DNAH9: variants seen among roughly 807,000 people sequenced by gnomAD.
DNAH9 encodes the protein dynein axonemal heavy chain 9.
A neutral mutation model predicts 471.6 loss-of-function variants in DNAH9; 345 were observed. That is an observed-to-expected ratio of 0.73 (90% confidence interval 0.67 to 0.80). DNAH9 has a LOEUF of 0.80. Among genes scored for constraint, DNAH9 ranks in the 30% least tolerant of loss-of-function variants. DNAH9 has a pLI of 0.00. For synonymous variants in DNAH9, 2,093 were observed against 2,123.6 expected (o/e 0.99, Z 0.40); for missense variants, 5,407 against 5,609.2 (o/e 0.96, Z 1.15).
At chr17:11,844,890 C>T (rs1027560525) in intron 49 of DNAH9, among the ~76,000 whole-genome samples, 1 of 152,056 alleles carries the variant, frequency 6.6e-6, no homozygotes, top group Non-Finnish European at 1.5e-5. Flanking sequence ...ATTTGCATTT[C>T]TCTAATGATT....
intron 12 of DNAH9, among the ~76,000 whole-genome samples, chr17:11,649,790 A>G (rs907130696): frequency 2.0e-5 from 3 of 152,136 alleles, no homozygotes; most frequent in African/African-American, 7.2e-5. Flanking sequence ...TTACTCATGT[A>G]TATTTATTCT....
Position 11,962,326 on chromosome 17 carries a change from T to A in DNAH9, c.13233+70T>A, listed in dbSNP as rs1010197844. 24 of 1,503,526 alleles carry A rather than the reference T, an allele frequency of 1.6e-5. 2 individuals are homozygous for A. In the South Asian group the frequency reaches 3.1e-4, roughly 19 times the overall value. The allele number at this position is 1,503,526 out of a possible 1,614,324, so 93.1% of individuals were successfully genotyped here. On this transcript the variant is annotated intron_variant, in intron 68 of 68. Coordinates refer to ENST00000262442, the MANE Select transcript of DNAH9 (RefSeq NM_001372.4). The surrounding 1 kb of genome is among the most constrained non-coding windows in gnomAD (Gnocchi z 4.1). The stretch of plus-strand genomic sequence containing the variant: ...TAAATACACATTGCTTCCTATGAAG[T>A]GTGACTACTAAAAGAGATATTCCTG...
chr17:11,783,826 T>G, intron 40 of DNAH9, 78 bp downstream of exon 40: 1 of 1,252,356 alleles, frequency 8.0e-7, no homozygotes, highest in Non-Finnish European at 1.1e-6. Flanking sequence ...AGTATAATAA[T>G]TGGCCTTTTT....
chr17:11,895,270 C>T (rs899139086), intron 59 of DNAH9, among the ~76,000 whole-genome samples: 14 of 152,334 alleles, frequency 9.2e-5, no homozygotes, highest in African/African-American at 3.1e-4. Flanking sequence ...GAGGCAACAC[C>T]AGCTTGCTCC....
At chr17:11,824,614 A>C (rs747397474) in intron 48 of DNAH9, among the ~76,000 whole-genome samples, 3 of 152,224 alleles carry the variant, frequency 2.0e-5, no homozygotes, top group Non-Finnish European at 4.4e-5. Flanking sequence ...CCTCACCAAT[A>C]CTAATTTAAT....
chr17:11,967,165 G>A (rs1388870740), intron 68 of DNAH9, among the ~76,000 whole-genome samples: 2 of 151,766 alleles, frequency 1.3e-5, no homozygotes, highest in African/African-American at 2.4e-5. Flanking sequence ...GGAGTGCAGT[G>A]GCATGAACAG....
intron 26 of DNAH9, among the ~76,000 whole-genome samples, chr17:11,717,503 A>T (rs1416432591): frequency 6.6e-6 from 1 of 152,174 alleles, no homozygotes; most frequent in Non-Finnish European, 1.5e-5. Context: ...TCATAATATC[A>T]GATTCAGAAA....
At chr17:11,945,781 G>C (rs935884093) in intron 67 of DNAH9, among the ~76,000 whole-genome samples, 1 of 152,022 alleles carries the variant, frequency 6.6e-6, no homozygotes, top group Non-Finnish European at 1.5e-5. Flanking sequence ...ACTTGTGGCC[G>C]GGCGCAGTGG....
At chr17:11,605,674 A>ATTTTTTTTTTTT (rs59748847) in intron 1 of DNAH9, among the ~76,000 whole-genome samples, 61 of 145,052 alleles carry the variant, frequency 4.2e-4, no homozygotes, top group African/African-American at 1.5e-3. Flanking sequence ...CAATTTTTCT[A>ATTTTTTTTTTTT]TTTTTTTTTT....
chr17:11,874,891 C>A, intron 52 of DNAH9, 58 bp from the exon 53 acceptor site: 1 of 1,296,330 alleles, frequency 7.7e-7, no homozygotes, highest in Non-Finnish European at 1.1e-6. Flanking sequence ...CTGCATTCAT[C>A]CCAGCTGAGA....
In DNAH9 at chr17:11,694,777, C is replaced by CTTCT. The variant is rs1211842531; in HGVS notation, c.4872+390_4872+393dup. ...CCTTCCTTCCTTCCTTCCTTCCTTC[C>CTTCT]TTCTTTCTTTCTTTCTTTCTTTCTT... On this transcript the variant is annotated intron_variant, in intron 22 of 68. Coordinates refer to ENST00000262442, the MANE Select transcript of DNAH9 (RefSeq NM_001372.4). 8.8e-3 allele frequency among the ~76,000 whole-genome samples: 11 copies of CTTCT among 1,246 alleles called. 4 individuals carry two copies. The highest frequency in any genetic ancestry group is 0.029 in the East Asian group (3 of 102). The allele number at this position is 1,246 out of a possible 152,430, so 0.8% of individuals were successfully genotyped here.
Position 11,715,573 on chromosome 17 carries a change from G to A in DNAH9, c.5553-3761G>A, listed in dbSNP as rs78122545. On this transcript the variant is annotated intron_variant, in intron 26 of 68. Coordinates refer to ENST00000262442, the MANE Select transcript of DNAH9 (RefSeq NM_001372.4). ...CTTTAAAATCCCTTCCAACGCTAAC[G>A]TTCCTGTGTTCCCACTGGAACCAAA... 6.8e-4 allele frequency among the ~76,000 whole-genome samples: 104 copies of A among 152,174 alleles called. 2 individuals carry two copies. The East Asian group carries it at 0.017, about 25-fold the overall frequency.
rs376099315 is a variant in DNAH9 at position 11,929,182 on chromosome 17, C to T, written c.11878-684C>T. On this transcript the variant is annotated intron_variant, in intron 62 of 68. Coordinates refer to ENST00000262442, the MANE Select transcript of DNAH9 (RefSeq NM_001372.4). ...CCTGAGTAGCTGGGACTACAGGCGC[C>T]CACCACCATGCCCAGCTAATTTTTT... Among the ~76,000 whole-genome samples the T allele has an allele frequency of 3.3e-4, 50 of 151,956 alleles. No individual in the cohort carries two copies. The East Asian group carries it at 6.8e-3, about 21-fold the overall frequency.
chr17:11,630,402 T>C (rs9904764), intron 7 of DNAH9: 62,938 of 152,226 alleles, frequency 0.41, 13,345 homozygotes, highest in Middle Eastern at 0.48. Flanking sequence ...CACTGTGCTC[T>C]AGCCTGGCGA....
intron 38 of DNAH9, among the ~76,000 whole-genome samples, chr17:11,775,759 C>T (rs905128582): frequency 2.6e-5 from 4 of 152,014 alleles, no homozygotes; most frequent in Non-Finnish European, 4.4e-5. Flanking sequence ...CACCCGCCAC[C>T]ATGCCCGGCT....
intron 28 of DNAH9, among the ~76,000 whole-genome samples, chr17:11,736,647 T>C (rs2075352610): frequency 6.6e-6 from 1 of 152,206 alleles, no homozygotes; most frequent in Non-Finnish European, 1.5e-5. Flanking sequence ...AAAATTTCTA[T>C]GAGCACCGAT....
chr17:11,647,251 C>G, intron 12 of DNAH9, 53 bp downstream of exon 12: 1 of 1,552,474 alleles, frequency 6.4e-7, no homozygotes, highest in Non-Finnish European at 8.8e-7. Flanking sequence ...TTTCTTTGAA[C>G]TCTGCTGATT....
chr17:11,859,640 T>A (rs9909005), intron 50 of DNAH9, among the ~76,000 whole-genome samples: 3 of 152,098 alleles, frequency 2.0e-5, no homozygotes, highest in African/African-American at 7.2e-5. Context: ...GCAGCATGGT[T>A]CTGGCTTCTG....
chr17:11,914,534 CATGAG>C (rs1973879477), intron 61 of DNAH9, among the ~76,000 whole-genome samples: 1 of 152,112 alleles, frequency 6.6e-6, no homozygotes, highest in Non-Finnish European at 1.5e-5. Flanking sequence ...AGAAAAGACT[CATGAG>C]AAGTAAAAAT....
Sources: allele counts gnomAD v4.1 joint callset (sites outside exome capture counted in the v4.1 genomes callset), GRCh38; gene constraint gnomAD v4.1.1; non-coding constraint Gnocchi (gnomAD v3.1); transcripts MANE v1.5; gene names NCBI Gene and HGNC (gene_info 2026-07-23, HGNC 2026-07-21).